Variants in KSR2 observed in about 807,000 individuals in gnomAD.
KSR2 encodes the protein kinase suppressor of ras 2.
KSR2 carries 25 observed loss-of-function variants against 107.8 expected under a neutral mutation model. The ratio of observed to expected loss-of-function variants is 0.23; its 90% confidence interval spans 0.17 to 0.32. The LOEUF (loss-of-function observed/expected upper bound fraction) is 0.32, where lower values mean the gene tolerates loss of function less well. Ranked by LOEUF, KSR2 falls within the 10% of genes least tolerant of loss-of-function variation. The probability of loss-of-function intolerance (pLI) is 1.00; values close to 1 mark genes in which losing one functional copy is unlikely to be tolerated. For missense variants in KSR2, 887 were observed against 1,268.9 expected (o/e 0.70, Z 4.57); for synonymous variants, 480 against 507.0 (o/e 0.95, Z 0.71).
intron 5 of KSR2, among the ~76,000 whole-genome samples, chr12:117,608,446 T>C (rs1881411291): frequency 6.6e-6 from 1 of 152,184 alleles, no homozygotes; most frequent in Non-Finnish European, 1.5e-5. Flanking sequence ...CAAGGAGATA[T>C]CAGCTCAGAG....
chr12:117,855,620 A>G (rs1223945535), intron 2 of KSR2, 42 bp from the exon 3 acceptor site: 1 of 1,603,448 alleles, frequency 6.2e-7, no homozygotes, highest in Non-Finnish European at 8.5e-7. Context: ...GGGCAGGAAC[A>G]GCATCTCTGC....
intron 5 of KSR2, among the ~76,000 whole-genome samples, chr12:117,645,073 C>A (rs1883554305): frequency 6.6e-6 from 1 of 152,190 alleles, no homozygotes; most frequent in Admixed American, 6.5e-5. Context: ...GTGTTTCCAT[C>A]CATCTAATCA....
rs899522296 is a variant in KSR2, at chr12:117,454,390, C to G, written c.*12809G>C. The stretch of plus-strand genomic sequence containing the variant: ...GTCAAGTTGAAGCAGATAAACAAGC[C>G]TCGCTAATTTGCAGTAGCCACATAT... On this transcript the variant is annotated 3_prime_UTR_variant, in exon 20 of 20. Transcript: ENST00000339824. 15 of 152,220 alleles carry G rather than the reference C, an allele frequency of 9.9e-5. No homozygotes were observed. Among genetic ancestry groups the G allele is most frequent in the African/African-American group, 3.6e-4 (15 of 41,454 alleles). The allele number at this position is 152,220 out of a possible 1,614,324, so 9.4% of individuals were successfully genotyped here. A position where few individuals can be genotyped will look rare whatever the true frequency, so the allele number is the denominator to read the frequency against.
At chr12:117,811,695 G>A (rs925112712) in intron 3 of KSR2, among the ~76,000 whole-genome samples, 6 of 152,158 alleles carry the variant, frequency 3.9e-5, no homozygotes, top group African/African-American at 7.2e-5. Flanking sequence ...AGAGTTTACC[G>A]GGACTCTGGT....
intron 5 of KSR2, among the ~76,000 whole-genome samples, chr12:117,585,071 C>CGT (rs369267215): frequency 5.3e-5 from 8 of 151,826 alleles, no homozygotes; most frequent in Non-Finnish European, 8.8e-5. Flanking sequence ...TGTGTGTGTG[C>CGT]GTGTGTGTGT....
chr12:117,881,878 C>A (rs1894037949), intron 1 of KSR2, among the ~76,000 whole-genome samples: 1 of 152,160 alleles, frequency 6.6e-6, no homozygotes, highest in Admixed American at 6.5e-5. Context: ...ATTAATATTT[C>A]TTGAGGTTGT....
intron 3 of KSR2, among the ~76,000 whole-genome samples, chr12:117,841,798 C>T (rs1442405076): frequency 6.6e-6 from 1 of 152,228 alleles, no homozygotes; most frequent in East Asian, 1.9e-4. Flanking sequence ...CAGGCAAGGG[C>T]TCTACCTTTC....
rs542531133 is a variant in KSR2 at position 117,464,436 on chromosome 12, G to T, written c.*2763C>A. 2 of 152,358 alleles carry T rather than the reference G, an allele frequency of 1.3e-5. No homozygotes were observed. The highest frequency in any genetic ancestry group is 4.1e-4 in the South Asian group (2 of 4,828). 9.4% of individuals were successfully genotyped at this position (152,358 alleles called of 1,614,324 possible). A position where few individuals can be genotyped will look rare whatever the true frequency, so the allele number is the denominator to read the frequency against. The stretch of plus-strand genomic sequence containing the variant: ...GTCGTGTCATTGTATAGAATGAGTT[G>T]CAGGTGAGGCTGGTAATTATGATGT... On this transcript the variant is annotated 3_prime_UTR_variant, in exon 20 of 20. Transcript: ENST00000339824.
intron 5 of KSR2, among the ~76,000 whole-genome samples, chr12:117,632,684 C>T (rs1286435762): frequency 1.3e-5 from 2 of 152,124 alleles, no homozygotes; most frequent in African/African-American, 4.8e-5. Flanking sequence ...TCCTCTCCCT[C>T]CTCCCACCCT....
At chr12:117,737,387 T>C (rs982064117) in intron 4 of KSR2, among the ~76,000 whole-genome samples, 1 of 152,154 alleles carries the variant, frequency 6.6e-6, no homozygotes, top group Non-Finnish European at 1.5e-5. Flanking sequence ...AAACAGGAAA[T>C]GGGTTAAGGT....
intron 3 of KSR2, among the ~76,000 whole-genome samples, chr12:117,797,669 A>T (rs1278945035): frequency 6.7e-6 from 1 of 149,836 alleles, no homozygotes; most frequent in African/African-American, 2.4e-5. Flanking sequence ...TTTTTTTGAC[A>T]TAGGGTCCTG....
intron 3 of KSR2, among the ~76,000 whole-genome samples, chr12:117,837,119 C>CTAT (rs1892249377): frequency 6.6e-6 from 1 of 152,174 alleles, no homozygotes; most frequent in South Asian, 2.1e-4. Flanking sequence ...GAGTAGGCTG[C>CTAT]TCTGATAGAT....
chr12:117,605,139 C>G (rs1490202275), intron 5 of KSR2, among the ~76,000 whole-genome samples: 1 of 152,088 alleles, frequency 6.6e-6, no homozygotes, highest in African/African-American at 2.4e-5. Flanking sequence ...GGATTTTGGC[C>G]TCTGTGAGGA....
Position 117,913,225 on chromosome 12 carries a change from G to C in KSR2, c.181-52794C>G, listed in dbSNP as rs529260014. ...TTCTAGACCAGGACTCAGGGACCTA[G>C]TTTCTTTAGGCTGTTGTGAGCCGTT... On this transcript the variant is annotated intron_variant, in intron 1 of 19. Coordinates refer to ENST00000339824, the MANE Select transcript of KSR2 (RefSeq NM_173598.6). 2.0e-5 allele frequency among the ~76,000 whole-genome samples: 3 copies of C among 152,284 alleles called. No individual in the cohort carries two copies. In the East Asian group the frequency reaches 5.8e-4, roughly 29 times the overall value.
chr12:117,659,508 C>T (rs901273629), intron 5 of KSR2, among the ~76,000 whole-genome samples: 8 of 152,196 alleles, frequency 5.3e-5, no homozygotes, highest in African/African-American at 1.9e-4. Context: ...GACACGCTAA[C>T]TTCCTTTGAA....
chr12:117,862,196 G>A (rs1893322378), intron 1 of KSR2, among the ~76,000 whole-genome samples: 1 of 151,926 alleles, frequency 6.6e-6, no homozygotes, highest in South Asian at 2.1e-4. Flanking sequence ...AAAGTAGCTA[G>A]GACTACAGGT....
At chr12:117,628,082 T>G (rs1882616479) in intron 5 of KSR2, among the ~76,000 whole-genome samples, 1 of 152,226 alleles carries the variant, frequency 6.6e-6, no homozygotes, top group Non-Finnish European at 1.5e-5. Flanking sequence ...CTATGCTGTT[T>G]ATTCTAGTTA....
intron 4 of KSR2, among the ~76,000 whole-genome samples, chr12:117,731,897 C>T (rs1430721498): frequency 5.0e-5 from 7 of 141,140 alleles, no homozygotes; most frequent in Non-Finnish European, 1.1e-4. Flanking sequence ...ACAAACACTG[C>T]GGAAGGCCGC....
intron 4 of KSR2, among the ~76,000 whole-genome samples, chr12:117,716,956 T>G (rs1887009072): frequency 6.6e-6 from 1 of 152,240 alleles, no homozygotes. Context: ...ATGACCCAAC[T>G]TCCTCCAGCT....
Sources: gnomAD v4.1 joint callset for allele counts (sites outside exome capture counted in the v4.1 genomes callset) on GRCh38, gnomAD v4.1.1 for gene constraint, MANE v1.5 for transcripts, NCBI Gene and HGNC (gene_info 2026-07-23, HGNC 2026-07-21) for gene names.